Variants in CFAP46 observed in about 807,000 individuals in gnomAD.
CFAP46 encodes cilia- and flagella-associated protein 46.
In CFAP46, 245 loss-of-function variants were observed where a neutral mutation model predicts 325.7. That is an observed-to-expected ratio of 0.75 (90% CI 0.68 to 0.84). The LOEUF is 0.84. CFAP46 is among the 40% of genes least tolerant of loss of function. CFAP46 has a pLI of 0.00. For missense variants in CFAP46, 3,346 were observed against 3,543.0 expected, an observed-to-expected ratio of 0.94 and a Z score of 1.41; for synonymous variants, 1,523 against 1,495.9, an observed-to-expected ratio of 1.02 and a Z score of -0.42.
chr10:132,897,124 A>G (rs1849330560), intron 24 of CFAP46, among the ~76,000 whole-genome samples: 1 of 152,256 alleles, frequency 6.6e-6, no homozygotes. Context: ...TGGATCAAAG[A>G]TCTAAACTTA....
intron 35 of CFAP46, among the ~76,000 whole-genome samples, chr10:132,864,435 G>GTGCCTGAGACCTGCACACACCTGTCCCCC (rs1848776849): frequency 1.3e-5 from 1 of 75,114 alleles, no homozygotes; most frequent in African/African-American, 5.4e-5. Flanking sequence ...CCTGTCCCCA[G>GTGCCTGAGACCTGCACACACCTGTCCCCC]TGCCTGAGAC....
intron 8 of CFAP46, among the ~76,000 whole-genome samples, chr10:132,932,323 G>T (rs1465433944): frequency 7.6e-6 from 1 of 131,760 alleles, no homozygotes; most frequent in Admixed American, 7.9e-5. Flanking sequence ...TCTCCACACA[G>T]AGCCTGGGCC....
At chr10:132,908,707 G>T in intron 21 of CFAP46, 73 bp from the exon 22 acceptor site, 1 of 1,450,412 alleles carries the variant, frequency 6.9e-7, no homozygotes, top group South Asian at 1.4e-5. Flanking sequence ...AGCCCCCACG[G>T]ACCACGCAGC....
intron 39 of CFAP46, among the ~76,000 whole-genome samples, chr10:132,853,130 C>G (rs1848586581): frequency 6.6e-6 from 1 of 152,164 alleles, no homozygotes; most frequent in African/African-American, 2.4e-5. Flanking sequence ...CGTCTTCGTC[C>G]TTATCGAAAG....
intron 17 of CFAP46, 105 bp from the exon 18 acceptor site, chr10:132,913,363 A>AATTT: frequency 2.8e-6 from 1 of 357,600 alleles, no homozygotes; most frequent in East Asian, 7.8e-5. Context: ...CAGGGCAAGA[A>AATTT]GTGGGAGGGG....
intron 8 of CFAP46, 132 bp downstream of exon 8, chr10:132,934,620 A>C: frequency 1.6e-6 from 1 of 642,486 alleles, no homozygotes; most frequent in Non-Finnish European, 2.7e-6. Context: ...CCTTACTAAA[A>C]CCTCCACAAT....
intron 25 of CFAP46, among the ~76,000 whole-genome samples, chr10:132,890,837 A>G (rs1251964593): frequency 6.6e-6 from 1 of 152,206 alleles, no homozygotes; most frequent in Non-Finnish European, 1.5e-5. Flanking sequence ...ACACATGGCC[A>G]CACTTTTGTT....
intron 50 of CFAP46, among the ~76,000 whole-genome samples, chr10:132,826,300 C>T (rs1490943619): frequency 7.2e-6 from 1 of 139,092 alleles, no homozygotes; most frequent in Non-Finnish European, 1.5e-5. Context: ...AGACCCACCA[C>T]AGAGCCAGGC....
intron 44 of CFAP46, among the ~76,000 whole-genome samples, chr10:132,844,936 C>T (rs1338991515): frequency 6.6e-6 from 1 of 152,136 alleles, no homozygotes; most frequent in Non-Finnish European, 1.5e-5. Flanking sequence ...TCACTGCAGC[C>T]TCGAACTCCT....
At chr10:132,843,215 C>T (rs1848372034) in intron 44 of CFAP46, among the ~76,000 whole-genome samples, 1 of 152,220 alleles carries the variant, frequency 6.6e-6, no homozygotes, top group South Asian at 2.1e-4. Context: ...AGGCTGCGTC[C>T]TCTCCAGGCA....
intron 50 of CFAP46, among the ~76,000 whole-genome samples, 195 bp downstream of exon 50, chr10:132,833,163 T>C (rs1848179458): frequency 6.6e-6 from 1 of 151,902 alleles, no homozygotes; most frequent in Non-Finnish European, 1.5e-5. Context: ...CTTGTAGAGA[T>C]GCACTCTCAC....
rs1015416663 is a variant in CFAP46 at position 132,942,529 on chromosome 10, C to T, written c.-45G>A. On this transcript the variant is annotated 5_prime_UTR_variant, in exon 1 of 58. Transcript: ENST00000368586. ...TCCGCTCTCTCCGGGGTCCGCGGTG[C>T]GTCCTGCCGCCCACTGTCGGTTGGG... 3 of 1,248,792 alleles carry T rather than the reference C, an allele frequency of 2.4e-6. No individual in the cohort carries two copies. The highest frequency in any genetic ancestry group is 3.4e-5 in the South Asian group (1 of 29,010). 77.4% of individuals were successfully genotyped at this position (1,248,792 alleles called of 1,614,324 possible). A position where few individuals can be genotyped will look rare whatever the true frequency, so the allele number is the denominator to read the frequency against.
chr10:132,841,456 C>G (rs963757833), intron 44 of CFAP46, among the ~76,000 whole-genome samples: 1 of 152,206 alleles, frequency 6.6e-6, no homozygotes, highest in Non-Finnish European at 1.5e-5. Flanking sequence ...CATGGCTGCT[C>G]TTATGGGTGG....
chr10:132,911,429 G>C (rs13376720), intron 19 of CFAP46, among the ~76,000 whole-genome samples: 15,281 of 152,250 alleles, frequency 0.1, 2,079 homozygotes, highest in African/African-American at 0.31. Context: ...TTAGCACAAA[G>C]TCTTCCGCAA....
At chr10:132,937,505 T>C (rs749849102) in intron 6 of CFAP46, 47 bp downstream of exon 6, 2 of 1,609,324 alleles carry the variant, frequency 1.2e-6, no homozygotes, top group Non-Finnish European at 1.7e-6. Context: ...ACAATGACTT[T>C]TAAGAAAATT....
intron 50 of CFAP46, among the ~76,000 whole-genome samples, chr10:132,818,618 C>T (rs998188025): frequency 3.3e-5 from 5 of 151,952 alleles, no homozygotes; most frequent in Admixed American, 6.6e-5. Context: ...TTTGGGAGGC[C>T]GAGGTGGGTG....
intron 37 of CFAP46, 133 bp downstream of exon 37, chr10:132,860,284 G>A (rs1477047054): frequency 3.1e-6 from 2 of 642,526 alleles, no homozygotes; most frequent in Non-Finnish European, 5.5e-6. Context: ...TGCACGGAAA[G>A]CTGTGGATAT....
At chr10:132,879,659 A>G in intron 28 of CFAP46, 28 bp from the exon 29 acceptor site, 1 of 1,477,938 alleles carries the variant, frequency 6.8e-7, no homozygotes, top group Non-Finnish European at 9.0e-7. Context: ...CGAGGCTGAG[A>G]GCAGGCCCGG....
chr10:132,917,563 C>T (rs529996656), intron 16 of CFAP46, among the ~76,000 whole-genome samples: 1 of 152,328 alleles, frequency 6.6e-6, no homozygotes, highest in African/African-American at 2.4e-5. Context: ...GCCGAGGTAC[C>T]ATCTCCCCAC....
Sources: gnomAD v4.1 joint callset for allele counts (sites outside exome capture counted in the v4.1 genomes callset) on GRCh38, gnomAD v4.1.1 for gene constraint, MANE v1.5 for transcripts, NCBI Gene and HGNC (gene_info 2026-07-23, HGNC 2026-07-21) for gene names.